The following MAGI2 variants were observed in gnomAD, a reference collection of about 807,000 sequenced individuals.
MAGI2 encodes membrane associated guanylate kinase, WW and PDZ domain containing 2, also known as membrane-associated guanylate kinase, WW and PDZ domain-containing protein 2.
In MAGI2, 35 loss-of-function variants were observed where a neutral mutation model predicts 133.3. That is an observed-to-expected ratio of 0.26 (90% CI 0.20 to 0.35). MAGI2 has a LOEUF of 0.35. Among genes scored for constraint, MAGI2 ranks in the 10% least tolerant of loss-of-function variants. MAGI2 has a pLI of 1.00. For synonymous variants in MAGI2, 729 were observed against 710.6 expected, an observed-to-expected ratio of 1.03 and a Z score of -0.41; for missense variants, 1,636 against 1,863.4, an observed-to-expected ratio of 0.88 and a Z score of 2.25.
At chr7:78,307,676 G>A (rs1798353345) in intron 9 of MAGI2, among the ~76,000 whole-genome samples, 2 of 152,220 alleles carry the variant, frequency 1.3e-5, no homozygotes, top group South Asian at 4.1e-4. Context: ...TAGGATTTGA[G>A]GTAGACCTTA....
intron 1 of MAGI2, among the ~76,000 whole-genome samples, chr7:79,449,882 A>ACATATATATATG (rs1162033614): frequency 7.1e-6 from 1 of 141,066 alleles, no homozygotes; most frequent in Non-Finnish European, 1.5e-5. Context: ...ATATACATAT[A>ACATATATATATG]TATATATATA....
intron 2 of MAGI2, among the ~76,000 whole-genome samples, chr7:78,697,634 A>C (rs180763784): frequency 2.5e-3 from 385 of 152,260 alleles, no homozygotes; most frequent in African/African-American, 8.9e-3. Flanking sequence ...AATACAAATA[A>C]ACCTCCATCC....
chr7:78,042,431 TG>T (rs1332163720), intron 21 of MAGI2, among the ~76,000 whole-genome samples: 1 of 151,102 alleles, frequency 6.6e-6, no homozygotes, highest in Non-Finnish European at 1.5e-5. Context: ...GGTTGAATTT[TG>T]GGAGTGTCTG....
At chr7:78,963,250 T>C (rs959382204) in intron 2 of MAGI2, among the ~76,000 whole-genome samples, 1 of 152,120 alleles carries the variant, frequency 6.6e-6, no homozygotes, top group African/African-American at 2.4e-5. Flanking sequence ...ATATTTACTA[T>C]CACATCCATT....
At chr7:78,615,106 G>A (rs533109778) in intron 3 of MAGI2, 2 of 152,200 alleles carry the variant, frequency 1.3e-5, no homozygotes, top group East Asian at 3.9e-4. Flanking sequence ...CTGTCAATGT[G>A]CCTGTCTCCA....
rs144050513 is a variant in MAGI2 at position 79,302,127 on chromosome 7, G to C, written c.301+150893C>G. Reference sequence around the variant, plus strand: ...CAGGTATTTGTTTATAGCAGTGCAAGAATGGCCTAATACAGTCAGTAAAAT... The same window carrying C: ...CAGGTATTTGTTTATAGCAGTGCAACAATGGCCTAATACAGTCAGTAAAAT... On this transcript the variant is annotated intron_variant, in intron 1 of 21. Coordinates refer to ENST00000354212, the MANE Select transcript of MAGI2 (RefSeq NM_012301.4). Among the ~76,000 whole-genome samples the C allele has an allele frequency of 6.9e-3, 1,049 of 152,308 alleles. 7 individuals are homozygous for C. Among genetic ancestry groups the C allele is most frequent in the African/African-American group, 0.024 (982 of 41,564 alleles).
chr7:78,456,676 G>A (rs1285103620), intron 6 of MAGI2, among the ~76,000 whole-genome samples: 1 of 152,134 alleles, frequency 6.6e-6, no homozygotes, highest in Non-Finnish European at 1.5e-5. Context: ...AAATACAGTG[G>A]TTTCAGAGGA....
intron 16 of MAGI2, among the ~76,000 whole-genome samples, chr7:78,150,150 G>A (rs553893005): frequency 6.0e-4 from 92 of 152,204 alleles, no homozygotes; most frequent in African/African-American, 2.0e-3. Flanking sequence ...AAAGAGTTTC[G>A]GTAGAAGCAC....
chr7:78,852,377 T>G lies in MAGI2; in HGVS notation c.418+154713A>C, dbSNP rs115221906. On this transcript the variant is annotated intron_variant, in intron 2 of 21. Coordinates refer to ENST00000354212, the MANE Select transcript of MAGI2 (RefSeq NM_012301.4). The stretch of plus-strand genomic sequence containing the variant: ...ATGATTTTTTTCACGAACAGGAAAC[T>G]TAAGTTTTATATAGTTTTGTTAATA... Among the ~76,000 whole-genome samples the G allele has an allele frequency of 6.6e-3, 1,004 of 152,220 alleles. 8 individuals carry two copies. The highest frequency in any genetic ancestry group is 0.023 in the African/African-American group (969 of 41,558).
rs140659033 is a variant in MAGI2 at position 78,447,281 on chromosome 7, T to C, written c.1045+42480A>G. ...ATGTATACATTGCGTAAAAACTAAATCTGGCATTTGGCATATTCCTCACCT... is the reference window on the plus strand; with the variant it reads ...ATGTATACATTGCGTAAAAACTAAACCTGGCATTTGGCATATTCCTCACCT... On this transcript the variant is annotated intron_variant, in intron 6 of 21. Transcript: ENST00000354212. Among the ~76,000 whole-genome samples the C allele has an allele frequency of 7.4e-3, 1,125 of 152,090 alleles. 17 individuals are homozygous for C. The highest frequency in any genetic ancestry group is 0.026 in the African/African-American group (1,083 of 41,508).
intron 2 of MAGI2, among the ~76,000 whole-genome samples, chr7:78,859,251 T>C (rs1185238059): frequency 1.3e-5 from 2 of 152,216 alleles, no homozygotes; most frequent in Non-Finnish European, 2.9e-5. Flanking sequence ...TTAAGGTTAA[T>C]ATTGTTATGT....
intron 3 of MAGI2, among the ~76,000 whole-genome samples, chr7:78,626,455 G>A (rs149407365): frequency 6.6e-6 from 1 of 152,198 alleles, no homozygotes; most frequent in Non-Finnish European, 1.5e-5. Flanking sequence ...TTTTATAGCA[G>A]ATAAATAATG....
rs117841317 is a variant in MAGI2 at position 79,268,758 on chromosome 7, A to G, written c.301+184262T>C. On this transcript the variant is annotated intron_variant, in intron 1 of 21. Transcript: ENST00000354212. ...TGGCAAGTGCCTGAGTTTAGATCTG[A>G]CAGAAGATTTCAACTGTCAACACCA... 4.1e-4 allele frequency among the ~76,000 whole-genome samples: 63 copies of G among 152,220 alleles called. No homozygotes were observed. The East Asian group carries it at 0.012, about 28-fold the overall frequency.
intron 2 of MAGI2, among the ~76,000 whole-genome samples, chr7:78,717,334 G>A (rs1344289018): frequency 1.3e-5 from 2 of 152,038 alleles, no homozygotes; most frequent in Non-Finnish European, 2.9e-5. Flanking sequence ...ATCAGAAACA[G>A]GAAAGGTATA....
intron 2 of MAGI2, among the ~76,000 whole-genome samples, chr7:78,830,828 A>G (rs1791079073): frequency 6.6e-6 from 1 of 152,164 alleles, no homozygotes; most frequent in African/African-American, 2.4e-5. Flanking sequence ...TTGGCAATCT[A>G]GCTAGCCTTG....
intron 1 of MAGI2, among the ~76,000 whole-genome samples, chr7:79,277,766 A>G (rs1192906579): frequency 6.6e-6 from 1 of 152,144 alleles, no homozygotes; most frequent in Non-Finnish European, 1.5e-5. Flanking sequence ...AAATTCACAG[A>G]TGTAACTCCT....
At chr7:78,695,292 T>C (rs1240648270) in intron 2 of MAGI2, among the ~76,000 whole-genome samples, 1 of 152,210 alleles carries the variant, frequency 6.6e-6, no homozygotes, top group African/African-American at 2.4e-5. Flanking sequence ...ATAGAACACA[T>C]ATGCAAATAA....
chr7:78,550,971 C>A (rs536338399), intron 3 of MAGI2, among the ~76,000 whole-genome samples: 1 of 151,988 alleles, frequency 6.6e-6, no homozygotes, highest in African/African-American at 2.4e-5. Flanking sequence ...CCTTGTAAGC[C>A]ATCTTAAGTC....
chr7:78,893,871 T>C (rs1458050819), intron 2 of MAGI2, among the ~76,000 whole-genome samples: 1 of 152,080 alleles, frequency 6.6e-6, no homozygotes, highest in African/African-American at 2.4e-5. Context: ...AAACTTAAAG[T>C]ATAATAATAA....
Sources: gnomAD v4.1 joint callset for allele counts (sites outside exome capture counted in the v4.1 genomes callset) on GRCh38, gnomAD v4.1.1 for gene constraint, MANE v1.5 for transcripts, NCBI Gene and HGNC (gene_info 2026-07-23, HGNC 2026-07-21) for gene names.